ALOX5AP: variants seen among roughly 807,000 people sequenced by gnomAD.
The protein encoded by ALOX5AP is arachidonate 5-lipoxygenase-activating protein.
In ALOX5AP, 9 loss-of-function variants were observed where a neutral mutation model predicts 18.5. The observed-to-expected ratio is 0.49, with a 90% CI of 0.29 to 0.85. The LOEUF (loss-of-function observed/expected upper bound fraction) is 0.85, where lower values mean the gene tolerates loss of function less well. Ranked by LOEUF, ALOX5AP falls within the 40% of genes least tolerant of loss-of-function variation. The pLI, the probability that ALOX5AP is intolerant of heterozygous loss-of-function variation, is 0.08. For missense variants in ALOX5AP, 172 were observed against 202.5 expected (o/e 0.85, Z 0.91); for synonymous variants, 81 against 78.6 (o/e 1.03, Z -0.16).
At chr13:30,716,460 G>T (rs889189502) in intron 1 of ALOX5AP, among the ~76,000 whole-genome samples, 5 of 152,222 alleles carry the variant, frequency 3.3e-5, no homozygotes, top group African/African-American at 1.2e-4. Context: ...ACTTGGACCT[G>T]TAGAATCAGA....
At chr13:30,718,021 A>G (rs4483703) in intron 1 of ALOX5AP, among the ~76,000 whole-genome samples, 140,624 of 150,668 alleles carry the variant, frequency 0.93, 66,362 homozygotes, top group East Asian at 1. Context: ...GTGCAATGGC[A>G]CAATCTCAGC....
intron 2 of ALOX5AP, among the ~76,000 whole-genome samples, chr13:30,748,454 A>T (rs1951826625): frequency 6.6e-6 from 1 of 152,268 alleles, no homozygotes; most frequent in Non-Finnish European, 1.5e-5. Context: ...CCATAAAAAC[A>T]TGAATAGTGC....
intron 1 of ALOX5AP, among the ~76,000 whole-genome samples, chr13:30,723,880 G>A (rs2137790515): frequency 6.6e-6 from 1 of 152,292 alleles, no homozygotes; most frequent in Middle Eastern, 3.4e-3. Context: ...GACTACAGGT[G>A]CATGCCACTG....
upstream of ALOX5AP, among the ~76,000 whole-genome samples, chr13:30,731,306 T>C (rs764599968): frequency 2.0e-5 from 3 of 151,988 alleles, no homozygotes; most frequent in Non-Finnish European, 2.9e-5. Context: ...CTCCAGACTT[T>C]AAAGCCAGAC....
At chr13:30,756,125 G>A (rs1951891737) in intron 4 of ALOX5AP, 100 bp downstream of exon 4, 2 of 1,148,592 alleles carry the variant, frequency 1.7e-6, no homozygotes, top group Non-Finnish European at 2.6e-6. Context: ...TCACGGCTCC[G>A]TAGCATCCCC....
At chr13:30,744,981 G>T (rs915694024) in intron 2 of ALOX5AP, among the ~76,000 whole-genome samples, 7 of 152,148 alleles carry the variant, frequency 4.6e-5, no homozygotes, top group Non-Finnish European at 7.4e-5. Context: ...CCTTCCAAAG[G>T]GGGAGTCATG....
chr13:30,760,406 C>G (rs1312675128), intron 4 of ALOX5AP, among the ~76,000 whole-genome samples: 1 of 152,178 alleles, frequency 6.6e-6, no homozygotes, highest in African/African-American at 2.4e-5. Flanking sequence ...GGGTGGAACT[C>G]AGGGCTCTGG....
At chr13:30,721,900 C>T (rs1298147700) in intron 1 of ALOX5AP, among the ~76,000 whole-genome samples, 1 of 152,170 alleles carries the variant, frequency 6.6e-6, no homozygotes, top group Non-Finnish European at 1.5e-5. Context: ...ACTGTTTCTT[C>T]TTTCCTTTTG....
intron 4 of ALOX5AP, among the ~76,000 whole-genome samples, chr13:30,758,171 A>G (rs1951911593): frequency 6.6e-6 from 1 of 152,236 alleles, no homozygotes; most frequent in African/African-American, 2.4e-5. Context: ...TCTAAGCCTA[A>G]TCTAGACCAA....
intron 1 of ALOX5AP, among the ~76,000 whole-genome samples, chr13:30,737,734 C>G (rs147619697): frequency 2.2e-3 from 336 of 152,228 alleles, no homozygotes; most frequent in Non-Finnish European, 3.7e-3. Context: ...CCAGCTGAGG[C>G]AATTTGTGGT....
intron 2 of ALOX5AP, chr13:30,744,436 T>C (rs1951792428): frequency 3.1e-6 from 1 of 322,592 alleles, no homozygotes; most frequent in Admixed American, 4.2e-5. Flanking sequence ...AAGAGTCATT[T>C]GGTTAGAGAA....
At chr13:30,738,015 A>G (rs1311419232) in intron 1 of ALOX5AP, among the ~76,000 whole-genome samples, 2 of 152,200 alleles carry the variant, frequency 1.3e-5, no homozygotes, top group African/African-American at 4.8e-5. Context: ...AAAATATGCA[A>G]AAACCCTGCC....
In ALOX5AP at chr13:30,764,222, C is replaced by T; in HGVS notation, c.*116C>T. ...AGATGGCTGTAAATCTATTGGCCAT[C>T]TGGGCTTCACAGCTTGAGTTAACCT... On this transcript the variant is annotated 3_prime_UTR_variant, in exon 5 of 5. Coordinates refer to ENST00000380490, the MANE Select transcript of ALOX5AP (RefSeq NM_001629.4). The T allele has an allele frequency of 8.5e-7, 1 of 1,174,022 alleles. No individual in the cohort carries two copies. Among genetic ancestry groups the T allele is most frequent in the Non-Finnish European group, 1.2e-6 (1 of 849,376 alleles). The allele number at this position is 1,174,022 out of a possible 1,614,324, so 72.7% of individuals were successfully genotyped here. A position where few individuals can be genotyped will look rare whatever the true frequency, so the allele number is the denominator to read the frequency against.
intron 1 of ALOX5AP, among the ~76,000 whole-genome samples, chr13:30,726,699 A>G (rs1184074368): frequency 6.6e-6 from 1 of 152,060 alleles, no homozygotes; most frequent in Non-Finnish European, 1.5e-5. Flanking sequence ...CAGTTTATTT[A>G]TTTATTATTA....
intron 1 of ALOX5AP, among the ~76,000 whole-genome samples, chr13:30,740,027 A>G (rs969367935): frequency 2.0e-5 from 3 of 152,144 alleles, no homozygotes; most frequent in African/African-American, 7.2e-5. Flanking sequence ...CTGTGTTTAC[A>G]GTGTCAGCTG....
rs1951566623 is a variant in ALOX5AP at position 30,718,390 on chromosome 13, T to G, written c.116+4549T>G. Among the ~76,000 whole-genome samples, 7 of 147,338 alleles carry G rather than the reference T, an allele frequency of 4.8e-5. No individual in the cohort carries two copies. The South Asian group carries it at 1.5e-3, about 31-fold the overall frequency. On this transcript the variant is annotated intron_variant, in intron 1 of 5. Coordinates refer to the ALOX5AP transcript ENST00000617770. ...AACCTATCACAGATATGCATATATATATATATATATATATATGCATATCTA... is the reference window on the plus strand; with the variant it reads ...AACCTATCACAGATATGCATATATAGATATATATATATATATGCATATCTA...
chr13:30,747,420 G>C (rs185229398), intron 2 of ALOX5AP, among the ~76,000 whole-genome samples: 1 of 152,128 alleles, frequency 6.6e-6, no homozygotes, highest in East Asian at 1.9e-4. Flanking sequence ...TTATCCACCC[G>C]CCTTGGCCCC....
intron 3 of ALOX5AP, among the ~76,000 whole-genome samples, chr13:30,755,009 T>C (rs557521426): frequency 9.8e-5 from 15 of 152,378 alleles, no homozygotes; most frequent in Non-Finnish European, 2.2e-4. Flanking sequence ...TAACACTAGT[T>C]CCAGCTTAGT....
chr13:30,721,548 C>G (rs1951594018), intron 1 of ALOX5AP, among the ~76,000 whole-genome samples: 2 of 152,082 alleles, frequency 1.3e-5, no homozygotes, highest in South Asian at 4.1e-4. Flanking sequence ...TGTCTAAGGC[C>G]ATGGCCACCA....
Sources: gnomAD v4.1 joint callset for allele counts (sites outside exome capture counted in the v4.1 genomes callset) on GRCh38, gnomAD v4.1.1 for gene constraint, MANE v1.5 for transcripts, NCBI Gene and HGNC (gene_info 2026-07-23, HGNC 2026-07-21) for gene names.